The following TMCO5A variants were observed in gnomAD, a reference collection of about 807,000 sequenced individuals.
TMCO5A encodes transmembrane and coiled-coil domains 5A.
TMCO5A carries 34 observed loss-of-function variants against 42.3 expected under a neutral mutation model. The ratio of observed to expected loss-of-function variants is 0.80; its 90% CI spans 0.61 to 1.07. The LOEUF (loss-of-function observed/expected upper bound fraction) is 1.07. TMCO5A is among the 50% of genes least tolerant of loss of function. TMCO5A has a pLI of 0.00. For synonymous variants in TMCO5A, 131 were observed against 115.6 expected (o/e 1.13, Z -0.86); for missense variants, 357 against 327.9 (o/e 1.09, Z -0.69).
At chr15:38,007,669 G>A in the TMCO5A span, among the ~76,000 whole-genome samples, 1 of 151,968 alleles carries the variant, frequency 6.6e-6, no homozygotes, top group South Asian at 2.1e-4. Context: ...ATTGAGATAG[G>A]GAAATGAGTA....
chr15:38,012,635 T>G, the TMCO5A span, among the ~76,000 whole-genome samples: 1 of 152,094 alleles, frequency 6.6e-6, no homozygotes, highest in Non-Finnish European at 1.5e-5. Context: ...CAGGAAATGT[T>G]TGTAAGCAAC....
At chr15:38,003,539 C>A in the TMCO5A span, among the ~76,000 whole-genome samples, 1 of 152,098 alleles carries the variant, frequency 6.6e-6, no homozygotes, top group African/African-American at 2.4e-5. Flanking sequence ...GGAGCCAGGA[C>A]CTGGAGTCAA....
chr15:38,013,439 A>C, the TMCO5A span, among the ~76,000 whole-genome samples: 7 of 152,186 alleles, frequency 4.6e-5, no homozygotes, highest in Non-Finnish European at 1.0e-4. Flanking sequence ...TACGAGATCC[A>C]TCTTGGCTAT....
chr15:38,025,258 T>C, the TMCO5A span, among the ~76,000 whole-genome samples: 1 of 152,024 alleles, frequency 6.6e-6, no homozygotes, highest in Non-Finnish European at 1.5e-5. Flanking sequence ...AGATGTTTTC[T>C]CTCTTATTAT....
chr15:38,031,613 G>A, the TMCO5A span, among the ~76,000 whole-genome samples: 8 of 152,180 alleles, frequency 5.3e-5, no homozygotes, highest in South Asian at 2.1e-4. Context: ...GTCATACACC[G>A]GCACCTTTGT....
At chr15:37,953,374 A>C (rs1890207575), downstream of TMCO5A, among the ~76,000 whole-genome samples, 1 of 152,134 alleles carries the variant, frequency 6.6e-6, no homozygotes, top group Non-Finnish European at 1.5e-5. Context: ...GAAAAGAGAG[A>C]GATGCCATTC....
chr15:37,996,758 T>G, the TMCO5A span, among the ~76,000 whole-genome samples: 8 of 152,166 alleles, frequency 5.3e-5, no homozygotes, highest in African/African-American at 1.9e-4. Context: ...ATGATAACCA[T>G]GAGCAGTGAT....
intron 6 of TMCO5A, 88 bp from the exon 7 acceptor site, chr15:37,941,061 A>G (rs1210440747): frequency 1.5e-6 from 2 of 1,292,262 alleles, no homozygotes; most frequent in Admixed American, 3.5e-5. Context: ...GAGGCTCCTC[A>G]CAGCTCGTGA....
the TMCO5A span, among the ~76,000 whole-genome samples, chr15:37,992,812 C>T: frequency 6.6e-6 from 1 of 152,056 alleles, no homozygotes; most frequent in Admixed American, 6.6e-5. Flanking sequence ...CACATGGACA[C>T]ACAAAAGGGG....
intron 11 of TMCO5A, among the ~76,000 whole-genome samples, chr15:37,962,575 T>C (rs927157168): frequency 2.0e-5 from 3 of 152,044 alleles, no homozygotes; most frequent in African/African-American, 7.2e-5. Context: ...GGGATGGGGG[T>C]TCCCTCTTTA....
chr15:38,001,456 G>A, the TMCO5A span, among the ~76,000 whole-genome samples: 2 of 143,346 alleles, frequency 1.4e-5, no homozygotes, highest in African/African-American at 5.2e-5. Context: ...TTTTTTTAAC[G>A]AATTAGCCAC....
chr15:38,009,382 G>T, the TMCO5A span, among the ~76,000 whole-genome samples: 7 of 152,194 alleles, frequency 4.6e-5, no homozygotes, highest in African/African-American at 1.7e-4. Context: ...CAACACCAGA[G>T]ATTGGGTTTG....
At chr15:37,976,854 C>T in the TMCO5A span, among the ~76,000 whole-genome samples, 45 of 138,550 alleles carry the variant, frequency 3.2e-4, no homozygotes, top group African/African-American at 1.1e-3. Flanking sequence ...AGCACAATCT[C>T]GGCTCATTAC....
intron 9 of TMCO5A, chr15:37,942,767 G>A (rs1410475474): frequency 1.9e-5 from 3 of 154,462 alleles, no homozygotes; most frequent in South Asian, 2.0e-4. Context: ...TTAGAGATGG[G>A]AAAGCACTCC....
downstream of TMCO5A, among the ~76,000 whole-genome samples, chr15:37,952,792 C>A (rs986534834): frequency 6.6e-6 from 1 of 152,204 alleles, no homozygotes; most frequent in Non-Finnish European, 1.5e-5. Flanking sequence ...TCTTGGAATA[C>A]ATTTCTGGAA....
At chr15:38,004,357 G>A in the TMCO5A span, among the ~76,000 whole-genome samples, 20 of 151,994 alleles carry the variant, frequency 1.3e-4, no homozygotes, top group African/African-American at 4.8e-4. Flanking sequence ...GTGCTGCCTG[G>A]GGTTGGAGGA....
chr15:38,002,655 A>G, the TMCO5A span, among the ~76,000 whole-genome samples: 1 of 151,782 alleles, frequency 6.6e-6, no homozygotes, highest in African/African-American at 2.4e-5. Context: ...GTTCTTTAGT[A>G]TGTCAATTGT....
chr15:37,951,089 A>C lies in TMCO5A; in HGVS notation c.722A>C (p.Tyr241Ser). Reference protein sequence around the residue: ...ITLFFIRLLSYMFFHVRFINP... With the variant: ...ITLFFIRLLSSMFFHVRFINP... ...CTATTTTTCATCAGACTGCTGAGCT[A>C]CATGTTTTTTCATGTAAGATTCATA... Residue 241 changes from tyrosine to serine, a missense_variant, in exon 12 of 12, where the codon TAC becomes TCC. Transcript: ENST00000319669. 6.2e-7 allele frequency: 1 copy of C among 1,613,226 alleles called. No homozygotes were observed.
rs182309787 is a variant in TMCO5A at position 37,962,204 on chromosome 15, G to T, written c.669-4421G>T. Reference sequence around the variant, plus strand: ...CATAGATGGCTTTTATTACATTGAGGTATCTCCCTTGTATGCCAATTTTGC... The same window carrying T: ...CATAGATGGCTTTTATTACATTGAGTTATCTCCCTTGTATGCCAATTTTGC... On this transcript the variant is annotated intron_variant, in intron 11 of 11. Transcript: ENST00000559502. Among the ~76,000 whole-genome samples the T allele has an allele frequency of 6.2e-3, 946 of 151,876 alleles. 7 individuals carry two copies. Among genetic ancestry groups the T allele is most frequent in the Admixed American group, 0.01 (159 of 15,232 alleles).
Sources: gnomAD v4.1 joint callset for allele counts (sites outside exome capture counted in the v4.1 genomes callset) on GRCh38, gnomAD v4.1.1 for gene constraint, MANE v1.5 for transcripts, NCBI Gene and HGNC (gene_info 2026-07-23, HGNC 2026-07-21) for gene names.